PCDH9: variants seen among roughly 807,000 people sequenced by gnomAD.
PCDH9 encodes protocadherin-9.
In PCDH9, 24 loss-of-function variants were observed where a neutral mutation model predicts 70.6. The observed-to-expected ratio is 0.34, with a 90% CI of 0.25 to 0.48. The LOEUF (loss-of-function observed/expected upper bound fraction) is 0.48, where lower values mean the gene tolerates loss of function less well. Ranked by LOEUF, PCDH9 falls within the 20% of genes least tolerant of loss-of-function variation. PCDH9 has a pLI of 0.99. For missense variants in PCDH9, 1,281 were observed against 1,503.6 expected (o/e 0.85, Z 2.45); for synonymous variants, 562 against 558.5 (o/e 1.01, Z -0.09).
At chr13:66,357,274 C>T (rs560336566) in intron 4 of PCDH9, among the ~76,000 whole-genome samples, 7 of 151,804 alleles carry the variant, frequency 4.6e-5, no homozygotes, top group South Asian at 2.1e-4. Context: ...CATCAGGAGG[C>T]GTGGAGAAAA....
intron 4 of PCDH9, among the ~76,000 whole-genome samples, chr13:66,409,289 G>T (rs1207743643): frequency 2.6e-5 from 4 of 152,082 alleles, no homozygotes; most frequent in African/African-American, 9.7e-5. Flanking sequence ...TGAATTCCAT[G>T]GTCATTTAAA....
intron 3 of PCDH9, among the ~76,000 whole-genome samples, chr13:66,892,326 A>T (rs1234463770): frequency 6.6e-6 from 1 of 151,102 alleles, no homozygotes; most frequent in African/African-American, 2.4e-5. Flanking sequence ...AAACCATATA[A>T]AATGTACGTT....
intron 2 of PCDH9, chr13:67,219,282 AT>A (rs2089673511): frequency 6.6e-6 from 1 of 152,022 alleles, no homozygotes; most frequent in South Asian, 2.1e-4. Context: ...AATCATGGTA[AT>A]AAATCTTTTT....
At chr13:66,327,244 G>T (rs1049109922) in intron 4 of PCDH9, among the ~76,000 whole-genome samples, 1 of 152,144 alleles carries the variant, frequency 6.6e-6, no homozygotes, top group African/African-American at 2.4e-5. Context: ...TTTGATATCA[G>T]GGATCTTTTG....
chr13:67,000,975 T>C (rs1246192786), intron 2 of PCDH9, among the ~76,000 whole-genome samples: 1 of 152,218 alleles, frequency 6.6e-6, no homozygotes, highest in African/African-American at 2.4e-5. Context: ...TATGGGCCTG[T>C]CAGTTTTCTA....
At chr13:66,564,576 C>T (rs1566421263) in intron 4 of PCDH9, among the ~76,000 whole-genome samples, 1 of 152,012 alleles carries the variant, frequency 6.6e-6, no homozygotes, top group Non-Finnish European at 1.5e-5. Context: ...ATGTCACTGA[C>T]AAACTAAAAT....
intron 4 of PCDH9, among the ~76,000 whole-genome samples, chr13:66,607,103 T>C (rs1417073413): frequency 6.6e-6 from 1 of 152,136 alleles, no homozygotes; most frequent in Non-Finnish European, 1.5e-5. Flanking sequence ...TTCCTAAATA[T>C]AAAAATATTA....
At chr13:66,778,702 A>G (rs560354791) in intron 3 of PCDH9, among the ~76,000 whole-genome samples, 4 of 152,362 alleles carry the variant, frequency 2.6e-5, no homozygotes, top group African/African-American at 7.2e-5. Flanking sequence ...TCCAGACTAC[A>G]CATATGTGAC....
At chr13:66,878,492 G>A (rs146596941) in intron 3 of PCDH9, among the ~76,000 whole-genome samples, 110 of 152,266 alleles carry the variant, frequency 7.2e-4, no homozygotes, top group African/African-American at 2.5e-3. Flanking sequence ...CTCCCAAACT[G>A]CTGGGATTAC....
At chr13:66,537,365 A>C (rs1468488478) in intron 4 of PCDH9, among the ~76,000 whole-genome samples, 3 of 152,138 alleles carry the variant, frequency 2.0e-5, no homozygotes, top group African/African-American at 7.2e-5. Flanking sequence ...TATATTTCAC[A>C]TAATTGGTAT....
intron 3 of PCDH9, among the ~76,000 whole-genome samples, chr13:66,761,249 T>C (rs115510702): frequency 0.022 from 3,374 of 152,168 alleles, 133 homozygotes; most frequent in African/African-American, 0.075. Flanking sequence ...AACCCAGCTG[T>C]AAAATTTCTC....
intron 2 of PCDH9, among the ~76,000 whole-genome samples, chr13:67,144,986 A>G (rs986702885): frequency 6.6e-6 from 1 of 152,056 alleles, no homozygotes; most frequent in Non-Finnish European, 1.5e-5. Context: ...AAATTGTTCT[A>G]TTTTACAAGT....
At chr13:66,697,436 T>C (rs1307802329) in intron 3 of PCDH9, among the ~76,000 whole-genome samples, 1 of 152,174 alleles carries the variant, frequency 6.6e-6, no homozygotes, top group Non-Finnish European at 1.5e-5. Context: ...TGGGGCATTA[T>C]TTATAAAACT....
chr13:66,662,615 C>T (rs963180322), intron 3 of PCDH9, among the ~76,000 whole-genome samples: 9 of 152,132 alleles, frequency 5.9e-5, no homozygotes, highest in Non-Finnish European at 1.3e-4. Context: ...AACATAAGGA[C>T]TAGCTTGGAG....
intron 3 of PCDH9, among the ~76,000 whole-genome samples, chr13:66,813,084 G>C (rs1315205614): frequency 6.6e-6 from 1 of 152,146 alleles, no homozygotes; most frequent in Non-Finnish European, 1.5e-5. Flanking sequence ...CCTATTTCCT[G>C]ACAGGAGCAT....
At chr13:66,971,472 A>G (rs1390845774) in intron 2 of PCDH9, among the ~76,000 whole-genome samples, 1 of 152,182 alleles carries the variant, frequency 6.6e-6, no homozygotes, top group East Asian at 1.9e-4. Flanking sequence ...TGCATGAAAA[A>G]GTTTATATTT....
chr13:66,978,818 G>T (rs2083676753), intron 2 of PCDH9, among the ~76,000 whole-genome samples: 1 of 149,974 alleles, frequency 6.7e-6, no homozygotes, highest in Non-Finnish European at 1.5e-5. Context: ...GTATATATGT[G>T]TGTATATATA....
chr13:66,534,437 T>C (rs1960601362), intron 4 of PCDH9, among the ~76,000 whole-genome samples: 2 of 152,226 alleles, frequency 1.3e-5, no homozygotes, highest in African/African-American at 4.8e-5. Context: ...AGAATGCTGA[T>C]TTATCTTTGT....
chr13:66,574,987 A>C (rs2076793051), intron 4 of PCDH9, among the ~76,000 whole-genome samples: 1 of 152,236 alleles, frequency 6.6e-6, no homozygotes, highest in Admixed American at 6.5e-5. Flanking sequence ...AACCTGGCCA[A>C]CATGGTGAAA....
Sources: allele counts gnomAD v4.1 joint callset (sites outside exome capture counted in the v4.1 genomes callset), GRCh38; gene constraint gnomAD v4.1.1; transcripts MANE v1.5; gene names NCBI Gene and HGNC (gene_info 2026-07-23, HGNC 2026-07-21).